The following BCL2L11 variants were observed in gnomAD, a reference collection of about 807,000 sequenced individuals.
BCL2L11 encodes the protein bcl-2-like protein 11.
Under a neutral mutation model 20.6 loss-of-function variants are expected in BCL2L11, and 15 were observed. The ratio of observed to expected loss-of-function variants is 0.73; its 90% CI spans 0.49 to 1.12. The LOEUF (loss-of-function observed/expected upper bound fraction) is 1.12. Among genes scored for constraint, BCL2L11 ranks in the 50% most tolerant of loss-of-function variants. The pLI is 0.00. For synonymous variants in BCL2L11, 108 were observed against 92.8 expected (o/e 1.16, Z -0.94); for missense variants, 292 against 260.9 (o/e 1.12, Z -0.82).
intron 3 of BCL2L11, among the ~76,000 whole-genome samples, chr2:111,161,217 A>G (rs1454738164): frequency 6.6e-6 from 1 of 152,184 alleles, no homozygotes; most frequent in Non-Finnish European, 1.5e-5. Context: ...ACTGCAACAG[A>G]TGAATTGAGG....
rs1449707435 is a variant in BCL2L11 at position 111,161,387 on chromosome 2, T to C, written c.499-2746T>C. 7.7e-6 allele frequency: 12 copies of C among 1,549,642 alleles called. No homozygotes were observed. In the South Asian group the frequency reaches 1.2e-4, roughly 15 times the overall value. On this transcript the variant is annotated intron_variant, in intron 3 of 3. Coordinates refer to ENST00000393256, the MANE Select transcript of BCL2L11 (RefSeq NM_138621.5). ...TTTTTTATATTACCCAGTTTGGGAG[T>C]GGCAGAACTTAAATGCACTTTTGAT...
At chr2:111,153,555 G>A (rs560717114) in intron 3 of BCL2L11, among the ~76,000 whole-genome samples, 2 of 152,264 alleles carry the variant, frequency 1.3e-5, no homozygotes, top group South Asian at 2.1e-4. Context: ...ATGGGAGGCC[G>A]TTTTGGGAAA....
Position 111,165,138 on chromosome 2 carries a change from C to T in BCL2L11, c.*907C>T, listed in dbSNP as rs1049343935. The T allele has an allele frequency of 1.3e-5, 2 of 152,214 alleles. No homozygotes were observed. The highest frequency in any genetic ancestry group is 2.9e-5 in the Non-Finnish European group (2 of 68,052). 9.4% of individuals were successfully genotyped at this position (152,214 alleles called of 1,614,324 possible). A position where few individuals can be genotyped will look rare whatever the true frequency, so the allele number is the denominator to read the frequency against. ...TTTGGTGTTGGTTTTCATTCCATTTCGACGAGCATGTTATTGGGAAGTATT... is the reference window on the plus strand; with the variant it reads ...TTTGGTGTTGGTTTTCATTCCATTTTGACGAGCATGTTATTGGGAAGTATT... On this transcript the variant is annotated 3_prime_UTR_variant, in exon 4 of 4. Coordinates refer to ENST00000393256, the MANE Select transcript of BCL2L11 (RefSeq NM_138621.5).
chr2:111,141,310 T>C (rs917706602), intron 2 of BCL2L11, among the ~76,000 whole-genome samples: 32 of 151,604 alleles, frequency 2.1e-4, no homozygotes, highest in African/African-American at 7.3e-4. Flanking sequence ...GTGGCACATA[T>C]ACACCATGGA....
In BCL2L11 at chr2:111,164,761, C is replaced by T. The variant is rs1260090724; in HGVS notation, c.*530C>T. 6.5e-6 allele frequency: 1 copy of T among 152,996 alleles called. No individual in the cohort carries two copies. The highest frequency in any genetic ancestry group is 6.5e-5 in the Admixed American group (1 of 15,366). The allele number at this position is 152,996 out of a possible 1,614,324, so 9.5% of individuals were successfully genotyped here. A position where few individuals can be genotyped will look rare whatever the true frequency, so the allele number is the denominator to read the frequency against. On this transcript the variant is annotated 3_prime_UTR_variant, in exon 4 of 4. Transcript: ENST00000393256. ...GGGAGACGTGTGATATACTCCCTCC[C>T]TTCCCTACTATTGCCTCTCTGACCT... is the stretch of plus-strand genomic sequence containing the variant.
chr2:111,134,717 C>T lies in BCL2L11; in HGVS notation c.394+10578C>T, dbSNP rs1574992483. 2.0e-5 allele frequency among the ~76,000 whole-genome samples: 3 copies of T among 152,330 alleles called. No individual in the cohort carries two copies. In the South Asian group the frequency reaches 6.2e-4, roughly 32 times the overall value. On this transcript the variant is annotated intron_variant, in intron 2 of 3. Coordinates refer to ENST00000393256, the MANE Select transcript of BCL2L11 (RefSeq NM_138621.5). ...AATGATAGGTCTGTTAGTAACAACT[C>T]CTCTGAGTTCTCCTTCTGGGAATGT...
At chr2:111,144,935 C>T (rs1302435493) in intron 2 of BCL2L11, among the ~76,000 whole-genome samples, 4 of 152,182 alleles carry the variant, frequency 2.6e-5, no homozygotes, top group South Asian at 2.1e-4. Flanking sequence ...GGCTGTTTCC[C>T]GCAAGTGCCA....
At chr2:111,149,507 A>G (rs547581303) in intron 2 of BCL2L11, among the ~76,000 whole-genome samples, 3 of 152,290 alleles carry the variant, frequency 2.0e-5, no homozygotes, top group Admixed American at 6.5e-5. Flanking sequence ...AGCTGTCTGT[A>G]TCATTGTACC....
At chr2:111,147,421 A>G (rs1028642309) in intron 2 of BCL2L11, among the ~76,000 whole-genome samples, 1 of 150,520 alleles carries the variant, frequency 6.6e-6, no homozygotes, top group African/African-American at 2.5e-5. Context: ...GAGCTTAGGG[A>G]TGTGTTTATA....
intron 2 of BCL2L11, among the ~76,000 whole-genome samples, chr2:111,135,407 A>T (rs6746608): frequency 2.0e-5 from 3 of 151,760 alleles, no homozygotes; most frequent in Non-Finnish European, 4.4e-5. Context: ...GTTGGGGGAG[A>T]TGTGTAAGCT....
intron 1 of BCL2L11, among the ~76,000 whole-genome samples, 175 bp downstream of exon 1, chr2:111,121,363 G>A (rs998197470): frequency 6.6e-6 from 1 of 152,088 alleles, no homozygotes; most frequent in Non-Finnish European, 1.5e-5. Context: ...GTTCCCTCTC[G>A]GGCAGGTTCT....
At chr2:111,158,868 CT>C (rs1260476097) in intron 3 of BCL2L11, among the ~76,000 whole-genome samples, 1 of 151,632 alleles carries the variant, frequency 6.6e-6, no homozygotes. Flanking sequence ...TGATCTCAAC[CT>C]TTTTTTTTAA....
intron 3 of BCL2L11, among the ~76,000 whole-genome samples, chr2:111,152,576 G>A (rs1575155229): frequency 6.6e-6 from 1 of 152,214 alleles, no homozygotes; most frequent in South Asian, 2.1e-4. Context: ...CATAGGCTAA[G>A]GCTGGCATGG....
intron 2 of BCL2L11, among the ~76,000 whole-genome samples, chr2:111,132,708 C>T (rs1368131068): frequency 2.0e-5 from 3 of 152,210 alleles, no homozygotes; most frequent in Non-Finnish European, 4.4e-5. Flanking sequence ...CAAACATTGC[C>T]TGTAATACCT....
chr2:111,155,030 C>T (rs969094665), intron 3 of BCL2L11, among the ~76,000 whole-genome samples: 3 of 152,194 alleles, frequency 2.0e-5, no homozygotes, highest in African/African-American at 7.2e-5. Context: ...TACTGACCCT[C>T]ACAGCTCTTC....
At position 111,123,868 on chromosome 2, in the gene BCL2L11, A is replaced by G; in HGVS notation, c.123A>G (p.Gln41=). 1 of 1,602,916 alleles carries G rather than the reference A, an allele frequency of 6.2e-7. No homozygotes were observed. Among genetic ancestry groups the G allele is most frequent in the Non-Finnish European group, 8.5e-7 (1 of 1,174,526 alleles). Residue 41 remains glutamine, a synonymous_variant, in exon 2 of 4, where the codon CAA becomes CAG. Transcript: ENST00000393256. ...GAPTSLQTEP[Q]GNPEGNHGGE... ...CTACCTCCCTACAGACAGAGCCACA[A>G]GGTAATCCTGAAGGCAATCACGGAG...
chr2:111,123,288 A>G (rs756232597), intron 1 of BCL2L11: 20 of 985,468 alleles, frequency 2.0e-5, no homozygotes, highest in Non-Finnish European at 2.2e-5. Context: ...TCGGCAAACA[A>G]TGGGGCCGGA....
In BCL2L11 at chr2:111,146,208, A is replaced by T. The variant is rs1221315593; in HGVS notation, c.395-3836A>T. On this transcript the variant is annotated intron_variant, in intron 2 of 3. Coordinates refer to ENST00000393256, the MANE Select transcript of BCL2L11 (RefSeq NM_138621.5). Reference sequence around the variant, plus strand: ...CCCCTTTGAAGAATTTTTTATGTTCACATAAAATTGCCAAGTTAAAAATTT... The same window carrying T: ...CCCCTTTGAAGAATTTTTTATGTTCTCATAAAATTGCCAAGTTAAAAATTT... 3.0e-6 allele frequency: 3 copies of T among 984,874 alleles called. No individual in the cohort carries two copies. In the East Asian group the frequency reaches 3.4e-4, roughly 112 times the overall value. The allele number at this position is 984,874 out of a possible 1,614,324, so 61.0% of individuals were successfully genotyped here. A position where few individuals can be genotyped will look rare whatever the true frequency, so the allele number is the denominator to read the frequency against.
intron 2 of BCL2L11, chr2:111,146,324 T>G (rs2076506370): frequency 1.3e-6 from 1 of 754,054 alleles, no homozygotes; most frequent in Non-Finnish European, 1.6e-6. Flanking sequence ...ACATTGCAGA[T>G]AGCAAAATAA....
Sources: allele counts gnomAD v4.1 joint callset (sites outside exome capture counted in the v4.1 genomes callset), GRCh38; gene constraint gnomAD v4.1.1; transcripts MANE v1.5; gene names NCBI Gene and HGNC (gene_info 2026-07-23, HGNC 2026-07-21).